Variants in LIAS observed in about 807,000 individuals in gnomAD.
LIAS encodes lipoyl synthase, mitochondrial.
LIAS carries 36 observed loss-of-function variants against 49.4 expected under a neutral mutation model. The ratio of observed to expected loss-of-function variants is 0.73; its 90% CI spans 0.56 to 0.96. The LOEUF (loss-of-function observed/expected upper bound fraction) is 0.96. Ranked by LOEUF, LIAS falls within the 40% of genes least tolerant of loss-of-function variation. The pLI is 0.00. For missense variants in LIAS, 399 were observed against 456.3 expected (o/e 0.87, Z 1.14); for synonymous variants, 145 against 155.8 (o/e 0.93, Z 0.52).
In LIAS at chr4:39,478,145, C is replaced by T. The variant is rs541374384; in HGVS notation, c.*1030C>T. 1 of 152,312 alleles carries T rather than the reference C, an allele frequency of 6.6e-6. No individual in the cohort carries two copies. Among genetic ancestry groups the T allele is most frequent in the Non-Finnish European group, 1.5e-5 (1 of 68,036 alleles). The allele number at this position is 152,312 out of a possible 1,614,324, so 9.4% of individuals were successfully genotyped here. A position where few individuals can be genotyped will look rare whatever the true frequency, so the allele number is the denominator to read the frequency against. ...TCATTCAACTTTAGCATTCATTCAA[C>T]GTAGATTGAAACTCATCAGATTAGC... On this transcript the variant is annotated 3_prime_UTR_variant, in exon 11 of 11. Coordinates refer to ENST00000640888, the MANE Select transcript of LIAS (RefSeq NM_006859.4).
rs1745275552 is a variant in LIAS at position 39,478,306 on chromosome 4, A to T, written c.*1191A>T. 6.6e-6 allele frequency: 1 copy of T among 152,066 alleles called. No individual in the cohort carries two copies. Among genetic ancestry groups the T allele is most frequent in the Non-Finnish European group, 1.5e-5 (1 of 68,004 alleles). The allele number at this position is 152,066 out of a possible 1,614,324, so 9.4% of individuals were successfully genotyped here. On this transcript the variant is annotated 3_prime_UTR_variant, in exon 11 of 11. Transcript: ENST00000640888. ...ATCACCTGAGGTCGGGAGTTTGAGA[A>T]CAGCCTGGCCAACCTGGTGAAACTC...
intron 3 of LIAS, 52 bp from the exon 4 acceptor site, chr4:39,463,473 T>C: frequency 6.6e-7 from 1 of 1,507,008 alleles, no homozygotes; most frequent in Non-Finnish European, 8.9e-7. Context: ...ACCAACTGTT[T>C]AGTTGGTGGA....
Position 39,459,079 on chromosome 4 carries a change from A to T in LIAS, c.-39A>T. The T allele has an allele frequency of 6.2e-7, 1 of 1,612,740 alleles. No individual in the cohort carries two copies. The highest frequency in any genetic ancestry group is 8.5e-7 in the Non-Finnish European group (1 of 1,178,740). On this transcript the variant is annotated 5_prime_UTR_variant, in exon 1 of 11. Transcript: ENST00000640888. ...ACCTGTCCTTTCCCGGGAGTTAGCG[A>T]TCCCTCAACCCCTGCACTGCGCTAG...
intron 7 of LIAS, chr4:39,468,502 A>AAAATATATATAT (rs140159831): frequency 4.0e-5 from 5 of 125,156 alleles, no homozygotes; most frequent in African/African-American, 1.5e-4. Context: ...GGAAAAAAAA[A>AAAATATATATAT]ATATATATAT....
Position 39,465,267 on chromosome 4 carries a change from G to A in LIAS, c.551-18G>A. Reference sequence around the variant, plus strand: ...AAATGATGACATCATCCTGAGCAGTGGATTCTTTTGTTTCTAGATATGCCT... The same window carrying A: ...AAATGATGACATCATCCTGAGCAGTAGATTCTTTTGTTTCTAGATATGCCT... On this transcript the variant is annotated intron_variant, in intron 5 of 10. Coordinates refer to ENST00000640888, the MANE Select transcript of LIAS (RefSeq NM_006859.4). The A allele has an allele frequency of 6.2e-7, 1 of 1,612,404 alleles. No individual in the cohort carries two copies. The highest frequency in any genetic ancestry group is 8.5e-7 in the Non-Finnish European group (1 of 1,179,408).
Position 39,477,819 on chromosome 4 carries a change from C to T in LIAS, c.*704C>T, listed in dbSNP as rs1448223699. The T allele has an allele frequency of 7.2e-5, 11 of 152,016 alleles. No homozygotes were observed. Among genetic ancestry groups the T allele is most frequent in the Admixed American group, 3.9e-4 (6 of 15,258 alleles). 9.4% of individuals were successfully genotyped at this position (152,016 alleles called of 1,614,324 possible). On this transcript the variant is annotated 3_prime_UTR_variant, in exon 11 of 11. Coordinates refer to ENST00000640888, the MANE Select transcript of LIAS (RefSeq NM_006859.4). Reference sequence around the variant, plus strand: ...GCAACATGATGAGACCTTATCTCTACAAAAAATTAGCCAGACGTGGTGGCA... The same window carrying T: ...GCAACATGATGAGACCTTATCTCTATAAAAAATTAGCCAGACGTGGTGGCA...
chr4:39,462,119 G>T, intron 2 of LIAS, 77 bp from the exon 3 acceptor site: 1 of 567,034 alleles, frequency 1.8e-6, no homozygotes, highest in African/African-American at 2.0e-5. Flanking sequence ...AATTGTAATA[G>T]AAGAAATTAA....
chr4:39,463,042 CTA>C (rs903983385), intron 3 of LIAS, among the ~76,000 whole-genome samples: 1 of 151,684 alleles, frequency 6.6e-6, no homozygotes, highest in Non-Finnish European at 1.5e-5. Flanking sequence ...GAGTACACCT[CTA>C]TAGGACATGC....
chr4:39,472,939 C>G, intron 9 of LIAS, among the ~76,000 whole-genome samples, 161 bp from the exon 10 acceptor site: 1 of 151,994 alleles, frequency 6.6e-6, no homozygotes, highest in Non-Finnish European at 1.5e-5. Context: ...CAAAAAGTAA[C>G]CAGTAAACAC....
Position 39,465,150 on chromosome 4 carries a change from A to G in LIAS, c.498A>G (p.Ala166=). 6.2e-7 allele frequency: 1 copy of G among 1,614,184 alleles called. No homozygotes were observed. Residue 166 remains alanine (A), a synonymous_variant, in exon 5 of 11, where the codon GCA becomes GCG. Transcript: ENST00000640888. ...GTGAGCCCTACAATACTGCAAAGGC[A>G]ATTGCAGAATGGGGTCTGGATTATG... The part of the protein sequence containing the change: ...DASEPYNTAK[A]IAEWGLDYVV...
At position 39,459,480 on chromosome 4, in the gene LIAS, T is replaced by C. The variant is rs372775881; in HGVS notation, c.45+318T>C. The stretch of plus-strand genomic sequence containing the variant: ...GCTATTCTGTCTTGGACTCTTACTG[T>C]GTGTGAGACACCACTCTAGCCGCAG... On this transcript the variant is annotated intron_variant, in intron 1 of 10. Transcript: ENST00000640888. Among the ~76,000 whole-genome samples, 24 of 152,288 alleles carry C rather than the reference T, an allele frequency of 1.6e-4. No individual in the cohort carries two copies. In the East Asian group the frequency reaches 3.9e-3, roughly 24 times the overall value.
chr4:39,459,059 T>C lies in LIAS; in HGVS notation c.-59T>C, dbSNP rs1394191949. ...AATGGAGCGACGTAATTTCGACCTG[T>C]CCTTTCCCGGGAGTTAGCGATCCCT... On this transcript the variant is annotated 5_prime_UTR_variant, in exon 1 of 11. Coordinates refer to ENST00000640888, the MANE Select transcript of LIAS (RefSeq NM_006859.4). 6 of 1,590,764 alleles carry C rather than the reference T, an allele frequency of 3.8e-6. No homozygotes were observed. In the East Asian group the frequency reaches 8.9e-5, roughly 24 times the overall value.
At chr4:39,470,913 T>C (rs1744955753) in intron 8 of LIAS, among the ~76,000 whole-genome samples, 1 of 145,718 alleles carries the variant, frequency 6.9e-6, no homozygotes, top group African/African-American at 2.6e-5. Context: ...TTTTTGCATA[T>C]ACCATTTCCC....
intron 10 of LIAS, chr4:39,476,808 C>T (rs1745210174): frequency 7.3e-6 from 3 of 412,254 alleles, no homozygotes; most frequent in African/African-American, 6.4e-5. Flanking sequence ...AGTAGGGTCA[C>T]CCTTTGTAAT....
In LIAS at chr4:39,473,108, A is replaced by G. The variant is rs1745055890; in HGVS notation, c.963A>G (p.Glu321=). The change falls in exon 10 of 11, where the codon GAA becomes GAG. Residue 321 remains glutamate, a synonymous_variant. Coordinates refer to ENST00000640888, the MANE Select transcript of LIAS (RefSeq NM_006859.4). The part of the protein sequence containing the change: ...QPTRRHLKVE[E]YITPEKFKYW... ...TAATTATTTAAATCTAGGTTGAAGA[A>G]TATATTACTCCTGAAAAATTCAAAT... 4 of 1,551,474 alleles carry G rather than the reference A, an allele frequency of 2.6e-6. No individual in the cohort carries two copies. Among genetic ancestry groups the G allele is most frequent in the Non-Finnish European group, 3.6e-6 (4 of 1,123,022 alleles).
chr4:39,471,372 C>G, intron 9 of LIAS, 66 bp downstream of exon 9: 1 of 1,263,008 alleles, frequency 7.9e-7, no homozygotes, highest in Non-Finnish European at 1.1e-6. Context: ...TTGCTCTTGT[C>G]GCCTGAGCTG....
intron 1 of LIAS, among the ~76,000 whole-genome samples, chr4:39,460,076 G>C (rs190301565): frequency 3.3e-5 from 5 of 152,336 alleles, no homozygotes; most frequent in African/African-American, 1.2e-4. Flanking sequence ...AAGCTCGAGA[G>C]ATTTATTGCA....
chr4:39,467,812 A>G (rs2109879276), intron 7 of LIAS, 166 bp downstream of exon 7: 2 of 514,250 alleles, frequency 3.9e-6, no homozygotes, highest in East Asian at 7.4e-5. Context: ...TAAAAATCAG[A>G]AAATATCACC....
intron 1 of LIAS, among the ~76,000 whole-genome samples, chr4:39,459,940 A>G (rs573107063): frequency 1.3e-5 from 2 of 151,338 alleles, no homozygotes; most frequent in South Asian, 4.2e-4. Context: ...AACCTGGGCG[A>G]CAGAGCGAGA....
Sources: allele counts gnomAD v4.1 joint callset (sites outside exome capture counted in the v4.1 genomes callset), GRCh38; gene constraint gnomAD v4.1.1; transcripts MANE v1.5; gene names NCBI Gene and HGNC (gene_info 2026-07-23, HGNC 2026-07-21).